Variants in PM20D2 observed in about 807,000 individuals in gnomAD.
PM20D2 encodes xaa-Arg dipeptidase.
Under a neutral mutation model 42.9 loss-of-function variants are expected in PM20D2, and 33 were observed. The observed-to-expected ratio is 0.77, with a 90% CI of 0.58 to 1.03. The LOEUF (loss-of-function observed/expected upper bound fraction) is 1.03. PM20D2 is among the 50% of genes least tolerant of loss of function. The pLI, the probability that PM20D2 is intolerant of heterozygous loss-of-function variation, is 0.00. For synonymous variants in PM20D2, 250 were observed against 228.2 expected (o/e 1.10, Z -0.86); for missense variants, 548 against 557.0 (o/e 0.98, Z 0.16).
At position 89,165,552 on chromosome 6, in the gene PM20D2, A is replaced by T. The variant is rs1427852636; in HGVS notation, c.*3289A>T. On this transcript the variant is annotated 3_prime_UTR_variant, in exon 7 of 7. Transcript: ENST00000275072. ...TGTGTATGAAAAATCTACAATAAAC[A>T]TGTTTATCTGATAGCAATTGTCTTG... 6.6e-6 allele frequency: 1 copy of T among 152,188 alleles called. No individual in the cohort carries two copies. Among genetic ancestry groups the T allele is most frequent in the African/African-American group, 2.4e-5 (1 of 41,454 alleles). 9.4% of individuals were successfully genotyped at this position (152,188 alleles called of 1,614,324 possible). A position where few individuals can be genotyped will look rare whatever the true frequency, so the allele number is the denominator to read the frequency against.
rs950562327 is a variant in PM20D2 at position 89,161,700 on chromosome 6, T to A, written c.1049-83T>A. 1.3e-5 allele frequency: 14 copies of A among 1,077,516 alleles called. No homozygotes were observed. In the African/African-American group the frequency reaches 1.9e-4, roughly 14 times the overall value. The allele number at this position is 1,077,516 out of a possible 1,614,324, so 66.7% of individuals were successfully genotyped here. ...GAAGCTCACTTCTCTGCGTCTCTTCTAACAGGGACTGTGACTTCATAACTC... is the reference window on the plus strand; with the variant it reads ...GAAGCTCACTTCTCTGCGTCTCTTCAAACAGGGACTGTGACTTCATAACTC... On this transcript the variant is annotated intron_variant, in intron 5 of 6. Coordinates refer to ENST00000275072, the MANE Select transcript of PM20D2 (RefSeq NM_001010853.3).
the PM20D2 span, among the ~76,000 whole-genome samples, chr6:89,116,571 T>TG: frequency 1.3e-5 from 2 of 152,096 alleles, no homozygotes; most frequent in Admixed American, 1.3e-4. Context: ...GGTCAGGAGT[T>TG]GGAGATCAGC....
At chr6:89,148,987 T>C (rs1045648796) in intron 1 of PM20D2, among the ~76,000 whole-genome samples, 2 of 152,250 alleles carry the variant, frequency 1.3e-5, no homozygotes, top group Non-Finnish European at 2.9e-5. Context: ...TTGTAGTATT[T>C]TTTTTTATCT....
chr6:89,102,965 A>G, the PM20D2 span, among the ~76,000 whole-genome samples: 2 of 152,012 alleles, frequency 1.3e-5, no homozygotes, highest in African/African-American at 4.8e-5. Flanking sequence ...GGGTCTCACT[A>G]TGTTGCCCAG....
At chr6:89,110,671 G>A in the PM20D2 span, among the ~76,000 whole-genome samples, 44 of 152,220 alleles carry the variant, frequency 2.9e-4, no homozygotes, top group East Asian at 3.9e-3. Context: ...ACTGTGAATC[G>A]GCCTTAGGTT....
the PM20D2 span, among the ~76,000 whole-genome samples, chr6:89,107,615 C>T: frequency 6.6e-6 from 1 of 152,050 alleles, no homozygotes; most frequent in Non-Finnish European, 1.5e-5. Flanking sequence ...CCTGTAGTCC[C>T]AGCTACTCGG....
the PM20D2 span, among the ~76,000 whole-genome samples, chr6:89,125,201 C>T: frequency 7.0e-3 from 1,067 of 152,288 alleles, 14 homozygotes; most frequent in African/African-American, 0.025. Context: ...GTATTTCTCA[C>T]CGGGCGCGGT....
intron 1 of PM20D2, among the ~76,000 whole-genome samples, chr6:89,147,310 A>G (rs983737766): frequency 6.6e-6 from 1 of 152,216 alleles, no homozygotes; most frequent in Admixed American, 6.5e-5. Context: ...TCCAGATGGT[A>G]TATTCTACAC....
At chr6:89,136,891 G>A in the PM20D2 span, among the ~76,000 whole-genome samples, 2 of 150,984 alleles carry the variant, frequency 1.3e-5, no homozygotes, top group Non-Finnish European at 2.9e-5. Context: ...GCTAAGGGTG[G>A]AAGCCATTAC....
chr6:89,155,852 C>CA (rs1166161823), intron 4 of PM20D2, among the ~76,000 whole-genome samples: 1 of 151,438 alleles, frequency 6.6e-6, no homozygotes, highest in Non-Finnish European at 1.5e-5. Context: ...GCTGGGACTA[C>CA]AGGCGCTTGC....
chr6:89,103,644 G>A, the PM20D2 span, among the ~76,000 whole-genome samples: 1 of 150,860 alleles, frequency 6.6e-6, no homozygotes, highest in East Asian at 2.0e-4. Flanking sequence ...ATTTTTAGTA[G>A]AGACAGGATT....
chr6:89,099,432 A>ATATATACACATATATATATGTGTG, the PM20D2 span, among the ~76,000 whole-genome samples: 3 of 100,264 alleles, frequency 3.0e-5, no homozygotes, highest in Admixed American at 1.0e-4. Context: ...ATATGTGTGT[A>ATATATACACATATATATATGTGTG]TATATATACA....
At chr6:89,131,523 A>AT in the PM20D2 span, among the ~76,000 whole-genome samples, 27 of 151,508 alleles carry the variant, frequency 1.8e-4, 1 homozygote, top group Admixed American at 5.3e-4. Context: ...CCCTGTCTCT[A>AT]TTTTTTTTTA....
intron 1 of PM20D2, among the ~76,000 whole-genome samples, chr6:89,148,301 T>G (rs900301544): frequency 6.6e-6 from 1 of 151,386 alleles, no homozygotes; most frequent in African/African-American, 2.4e-5. Context: ...TTCAAATGGT[T>G]GTTCTCAATT....
the PM20D2 span, among the ~76,000 whole-genome samples, chr6:89,095,336 G>A: frequency 5.9e-5 from 9 of 151,964 alleles, no homozygotes; most frequent in Non-Finnish European, 1.0e-4. Context: ...AGAGATTCTC[G>A]CGCCTCAGCC....
At chr6:89,121,039 A>C in the PM20D2 span, among the ~76,000 whole-genome samples, 1 of 152,144 alleles carries the variant, frequency 6.6e-6, no homozygotes. Flanking sequence ...ATAGAAAAAA[A>C]CCACAAAGCT....
chr6:89,109,873 C>T, the PM20D2 span, among the ~76,000 whole-genome samples: 2 of 152,136 alleles, frequency 1.3e-5, no homozygotes, highest in East Asian at 1.9e-4. Flanking sequence ...GGGCGGATTA[C>T]GAGGTCAGGA....
chr6:89,130,819 C>CTTTTTTTTTTTTTTTTTTTTTTTT, the PM20D2 span, among the ~76,000 whole-genome samples: 7 of 24,056 alleles, frequency 2.9e-4, 1 homozygote, highest in African/African-American at 7.2e-4. Context: ...GCTTCTTCTT[C>CTTTTTTTTTTTTTTTTTTTTTTTT]TTTTTTTTTT....
rs1252926507 is a variant in PM20D2, at chr6:89,146,386, A to G, written c.242A>G (p.Tyr81Cys). 1.3e-6 allele frequency: 2 copies of G among 1,534,348 alleles called. No homozygotes were observed. Among genetic ancestry groups the G allele is most frequent in the Admixed American group, 2.0e-5 (1 of 50,850 alleles). ...PAASWAVQPH[Y>C]QLPTAFRAEW... Reference sequence around the variant, plus strand: ...GCCTCCTGGGCAGTGCAGCCGCACTACCAGCTGCCCACGGCCTTCCGCGCC... The same window carrying G: ...GCCTCCTGGGCAGTGCAGCCGCACTGCCAGCTGCCCACGGCCTTCCGCGCC... The change falls in exon 1 of 7, where the codon TAC becomes TGC. Residue 81 changes from tyrosine (Y) to cysteine (C), a missense_variant. Coordinates refer to ENST00000275072, the MANE Select transcript of PM20D2 (RefSeq NM_001010853.3).
Sources: gnomAD v4.1 joint callset for allele counts (sites outside exome capture counted in the v4.1 genomes callset) on GRCh38, gnomAD v4.1.1 for gene constraint, MANE v1.5 for transcripts, NCBI Gene and HGNC (gene_info 2026-07-23, HGNC 2026-07-21) for gene names.